Variants in CPE observed in about 807,000 individuals in gnomAD.
The protein encoded by CPE is carbocypeptidase E.
Under a neutral mutation model 53.5 loss-of-function variants are expected in CPE, and 17 were observed. The ratio of observed to expected loss-of-function variants is 0.32; its 90% CI spans 0.22 to 0.48. CPE has a LOEUF of 0.48. Ranked by LOEUF, CPE falls within the 20% of genes least tolerant of loss-of-function variation. The pLI, the probability that CPE is intolerant of heterozygous loss-of-function variation, is 0.99. For missense variants in CPE, 524 were observed against 614.7 expected (o/e 0.85, Z 1.56); for synonymous variants, 226 against 228.8 (o/e 0.99, Z 0.11).
intron 1 of CPE, among the ~76,000 whole-genome samples, chr4:165,427,268 C>G (rs1731336568): frequency 6.6e-6 from 1 of 152,174 alleles, no homozygotes; most frequent in African/African-American, 2.4e-5. Flanking sequence ...AACTGAGAAC[C>G]CATCCTAACT....
At position 165,495,636 on chromosome 4, in the gene CPE, A is replaced by G. The variant is rs2126719385; in HGVS notation, c.1291A>G (p.Ile431Val). 6.2e-7 allele frequency: 1 copy of G among 1,614,058 alleles called. No individual in the cohort carries two copies. The highest frequency in any genetic ancestry group is 1.1e-5 in the South Asian group (1 of 91,056). The stretch of plus-strand genomic sequence containing the variant: ...AGCCTCAGCTCCAGGCTATCTGGCA[A>G]TAACAAAGAAAGTGGCAGTTCCTTA... ...LTASAPGYLA[I>V]TKKVAVPYSP... The change falls in exon 8 of 9, where the codon ATA (isoleucine) becomes GTA (valine). Residue 431 changes from isoleucine (I) to valine (V), a missense_variant. Ile to Val is a conservative substitution (Grantham distance 29). Coordinates refer to ENST00000402744, the MANE Select transcript of CPE (RefSeq NM_001873.4).
At chr4:165,488,932 AC>A (rs1350403045) in intron 6 of CPE, among the ~76,000 whole-genome samples, 1 of 152,198 alleles carries the variant, frequency 6.6e-6, no homozygotes, top group African/African-American at 2.4e-5. Context: ...GTAATACCTT[AC>A]CAGGGACTGT....
At chr4:165,382,607 A>G (rs985790886) in intron 1 of CPE, among the ~76,000 whole-genome samples, 3 of 152,190 alleles carry the variant, frequency 2.0e-5, no homozygotes, top group African/African-American at 7.2e-5. Flanking sequence ...TAGTTGTCGT[A>G]ACAGAAGAAC....
At position 165,487,588 on chromosome 4, in the gene CPE, T is replaced by C. The variant is rs1475625064; in HGVS notation, c.1113+11T>C. The C allele has an allele frequency of 6.2e-7, 1 of 1,613,450 alleles. No homozygotes were observed. Among genetic ancestry groups the C allele is most frequent in the Admixed American group, 1.7e-5 (1 of 59,924 alleles). On this transcript the variant is annotated intron_variant, in intron 6 of 8. Coordinates refer to ENST00000402744, the MANE Select transcript of CPE (RefSeq NM_001873.4). ...AGCTACCTTGAGCAGGTAAACACAG[T>C]CCCCAGCATAAAAATGCAAGGTTTA... is the stretch of plus-strand genomic sequence containing the variant.
At chr4:165,443,880 G>A (rs1221130738) in intron 1 of CPE, among the ~76,000 whole-genome samples, 2 of 152,108 alleles carry the variant, frequency 1.3e-5, no homozygotes, top group Non-Finnish European at 2.9e-5. Context: ...CCTTATGAAT[G>A]GGATTAGTGC....
chr4:165,411,759 C>T (rs1731046269), intron 1 of CPE, among the ~76,000 whole-genome samples: 1 of 152,074 alleles, frequency 6.6e-6, no homozygotes, highest in Non-Finnish European at 1.5e-5. Context: ...TATAAAAATT[C>T]AAAGTGAAAA....
intron 4 of CPE, among the ~76,000 whole-genome samples, chr4:165,482,745 A>G (rs11737095): frequency 0.1 from 15,407 of 152,044 alleles, 1,054 homozygotes; most frequent in African/African-American, 0.19. Context: ...CTTGATCAGG[A>G]TCCCTGTGGA....
intron 5 of CPE, among the ~76,000 whole-genome samples, chr4:165,486,707 GC>G (rs1012126818): frequency 6.6e-6 from 1 of 152,008 alleles, no homozygotes; most frequent in Non-Finnish European, 1.5e-5. Context: ...GTATCCGATT[GC>G]CCCCCTACCC....
chr4:165,412,314 A>G (rs574436051), intron 1 of CPE, among the ~76,000 whole-genome samples: 1 of 152,322 alleles, frequency 6.6e-6, no homozygotes, highest in South Asian at 2.1e-4. Context: ...GACATTAAAT[A>G]TCTTTTTTAA....
intron 1 of CPE, among the ~76,000 whole-genome samples, chr4:165,395,525 G>A (rs1321594928): frequency 6.6e-6 from 1 of 152,156 alleles, no homozygotes; most frequent in Non-Finnish European, 1.5e-5. Context: ...TAATAAAAAT[G>A]ACTTACAGAT....
At chr4:165,436,944 T>C (rs1405062168) in intron 1 of CPE, among the ~76,000 whole-genome samples, 2 of 152,204 alleles carry the variant, frequency 1.3e-5, no homozygotes, top group Non-Finnish European at 2.9e-5. Context: ...AAAAAAGGCA[T>C]GCAAAATTTA....
chr4:165,395,171 G>A (rs1210314893), intron 1 of CPE, among the ~76,000 whole-genome samples: 1 of 152,168 alleles, frequency 6.6e-6, no homozygotes, highest in Non-Finnish European at 1.5e-5. Context: ...ATGTGAAAGG[G>A]TGTGTTCTCA....
chr4:165,386,937 G>A (rs1345711937), intron 1 of CPE, among the ~76,000 whole-genome samples: 2 of 152,196 alleles, frequency 1.3e-5, no homozygotes, highest in East Asian at 3.8e-4. Flanking sequence ...ATGCCACAGA[G>A]GAGGAGGTTT....
At position 165,404,446 on chromosome 4, in the gene CPE, G is replaced by A. The variant is rs577131597; in HGVS notation, c.307+24918G>A. On this transcript the variant is annotated intron_variant, in intron 1 of 8. Transcript: ENST00000402744. Reference sequence around the variant, plus strand: ...TATTCTTCACACTCTCCTGATAGATGGAAAAGCCCTTCCCAGACTGGCGAC... The same window carrying A: ...TATTCTTCACACTCTCCTGATAGATAGAAAAGCCCTTCCCAGACTGGCGAC... 3.8e-5 allele frequency: 29 copies of A among 768,178 alleles called. No homozygotes were observed. The South Asian group carries it at 3.9e-4, about 10-fold the overall frequency. 47.6% of individuals were successfully genotyped at this position (768,178 alleles called of 1,614,324 possible).
At chr4:165,412,278 AT>A (rs1288780559) in intron 1 of CPE, among the ~76,000 whole-genome samples, 1 of 152,246 alleles carries the variant, frequency 6.6e-6, no homozygotes, top group Admixed American at 6.5e-5. Context: ...TAAAAATATG[AT>A]TTTTTTGGTG....
chr4:165,407,537 G>A (rs531635990), intron 1 of CPE, among the ~76,000 whole-genome samples: 9 of 151,232 alleles, frequency 6.0e-5, no homozygotes, highest in Middle Eastern at 3.4e-3. Context: ...GCATCATGCC[G>A]GGCTTCAATT....
chr4:165,380,888 G>A (rs1730497031), intron 1 of CPE, among the ~76,000 whole-genome samples: 2 of 152,134 alleles, frequency 1.3e-5, no homozygotes, highest in South Asian at 2.1e-4. Flanking sequence ...TGTAGGATTG[G>A]ACATTTTGAA....
At chr4:165,438,343 C>T (rs1224434895) in intron 1 of CPE, among the ~76,000 whole-genome samples, 1 of 152,008 alleles carries the variant, frequency 6.6e-6, no homozygotes, top group Admixed American at 6.6e-5. Flanking sequence ...TATGAGTCCT[C>T]AGGTTAGGAA....
chr4:165,444,390 A>C (rs1252708336), intron 1 of CPE, among the ~76,000 whole-genome samples: 1 of 152,162 alleles, frequency 6.6e-6, no homozygotes, highest in East Asian at 1.9e-4. Flanking sequence ...GACCAGGCGC[A>C]GTGGCTCACG....
Sources: gnomAD v4.1 joint callset for allele counts (sites outside exome capture counted in the v4.1 genomes callset) on GRCh38, gnomAD v4.1.1 for gene constraint, MANE v1.5 for transcripts, NCBI Gene and HGNC (gene_info 2026-07-23, HGNC 2026-07-21) for gene names.